TRPM7: variants seen among roughly 807,000 people sequenced by gnomAD.
TRPM7 encodes the protein LTRPC ion channel family member 7.
Under a neutral mutation model 229.7 loss-of-function variants are expected in TRPM7, and 134 were observed. That is an observed-to-expected ratio of 0.58 (90% CI 0.51 to 0.67). The LOEUF (loss-of-function observed/expected upper bound fraction) is 0.67. Among genes scored for constraint, TRPM7 ranks in the 30% least tolerant of loss-of-function variants. The pLI, the probability that TRPM7 is intolerant of heterozygous loss-of-function variation, is 0.00. For synonymous variants in TRPM7, 699 were observed against 715.2 expected (o/e 0.98, Z 0.36); for missense variants, 1,901 against 2,210.0 (o/e 0.86, Z 2.80).
At chr15:50,685,334 A>T (rs915459894) in intron 1 of TRPM7, among the ~76,000 whole-genome samples, 1 of 152,110 alleles carries the variant, frequency 6.6e-6, no homozygotes, top group African/African-American at 2.4e-5. Context: ...CATGGTGGCT[A>T]CAGTCCCAGC....
At position 50,557,250 on chromosome 15, in the gene TRPM7, G is replaced by C. The variant is rs1243473110; in HGVS notation, c.*4428C>G. ...ACAACATTACGACCCATCTCTTCAA[G>C]AGGAAGTCTGGTATTATGGAAAAAC... On this transcript the variant is annotated 3_prime_UTR_variant, in exon 39 of 39. Transcript: ENST00000646667. The C allele has an allele frequency of 1.3e-5, 2 of 152,158 alleles. No individual in the cohort carries two copies. The highest frequency in any genetic ancestry group is 4.1e-4 in the South Asian group (2 of 4,832). The allele number at this position is 152,158 out of a possible 1,614,324, so 9.4% of individuals were successfully genotyped here. A position where few individuals can be genotyped will look rare whatever the true frequency, so the allele number is the denominator to read the frequency against.
chr15:50,658,036 G>A (rs1000464002), intron 2 of TRPM7, among the ~76,000 whole-genome samples: 1 of 138,412 alleles, frequency 7.2e-6, no homozygotes, highest in African/African-American at 2.7e-5. Context: ...ACAGAGTCTC[G>A]CTCTGTTGCC....
chr15:50,572,555 AT>A, intron 36 of TRPM7, among the ~76,000 whole-genome samples: 1 of 152,354 alleles, frequency 6.6e-6, no homozygotes, highest in South Asian at 2.1e-4. Context: ...AATCCAAAAA[AT>A]TCATGTGATA....
chr15:50,571,891 T>A (rs1423916316), intron 36 of TRPM7, among the ~76,000 whole-genome samples: 1 of 152,120 alleles, frequency 6.6e-6, no homozygotes, highest in Non-Finnish European at 1.5e-5. Context: ...AGCAGCAGGG[T>A]TTGAGAAGGT....
In TRPM7 at chr15:50,599,563, A is replaced by C. The variant is rs560085429; in HGVS notation, c.2989-267T>G. On this transcript the variant is annotated intron_variant, in intron 21 of 38. Transcript: ENST00000646667. ...CATAATGAATTGTATCACTGGTTCA[A>C]ACTGAAGTGTACCTATCTCTGTGGT... 1.4e-5 allele frequency: 4 copies of C among 284,668 alleles called. No individual in the cohort carries two copies. The East Asian group carries it at 2.4e-4, about 17-fold the overall frequency. The allele number at this position is 284,668 out of a possible 1,614,324, so 17.6% of individuals were successfully genotyped here. A position where few individuals can be genotyped will look rare whatever the true frequency, so the allele number is the denominator to read the frequency against.
intron 1 of TRPM7, among the ~76,000 whole-genome samples, chr15:50,670,322 G>C (rs1356725056): frequency 1.3e-5 from 2 of 152,036 alleles, no homozygotes; most frequent in African/African-American, 4.8e-5. Flanking sequence ...GACCTGCTGG[G>C]CTGCATTCCC....
At chr15:50,676,266 A>T (rs1334161617) in intron 1 of TRPM7, among the ~76,000 whole-genome samples, 1 of 152,238 alleles carries the variant, frequency 6.6e-6, no homozygotes, top group East Asian at 1.9e-4. Context: ...AAAGATTCCT[A>T]AAAAATTCTG....
chr15:50,680,887 T>C (rs1300209198), intron 1 of TRPM7, among the ~76,000 whole-genome samples: 1 of 152,208 alleles, frequency 6.6e-6, no homozygotes, highest in African/African-American at 2.4e-5. Flanking sequence ...AAGTGATTTT[T>C]GATTCTCTGC....
intron 12 of TRPM7, among the ~76,000 whole-genome samples, chr15:50,623,118 A>C (rs1255383260): frequency 6.6e-6 from 1 of 152,084 alleles, no homozygotes; most frequent in Non-Finnish European, 1.5e-5. Context: ...TTTTTTAAAA[A>C]AGTTTGCATT....
chr15:50,593,646 A>T lies in TRPM7; in HGVS notation c.3579T>A (p.Ser1193Arg). The change falls in exon 25 of 39, where the codon AGT becomes AGA. Residue 1193 changes from serine to arginine, a missense_variant. Physicochemically the swap from Ser to Arg is moderately radical, Grantham distance 110. Around this residue, in one of 8 missense-constraint regions of TRPM7, gnomAD observed 533 missense variants for 497.1 expected, o/e 1.07. Transcript: ENST00000646667. ...NEKDDKFHSG[S>R]EERIRVTFER... ...CAAAAGTGACACGAATTCTCTCTTCACTCCCAGAATGAAATTTGTCATCTT... is the reference window on the plus strand; with the variant it reads ...CAAAAGTGACACGAATTCTCTCTTCTCTCCCAGAATGAAATTTGTCATCTT... The T allele has an allele frequency of 6.2e-7, 1 of 1,611,946 alleles. No homozygotes were observed. Among genetic ancestry groups the T allele is most frequent in the Non-Finnish European group, 8.5e-7 (1 of 1,179,404 alleles).
At chr15:50,570,237 T>A (rs993321678) in intron 36 of TRPM7, 82 bp from the exon 37 acceptor site, 34 of 994,090 alleles carry the variant, frequency 3.4e-5, no homozygotes, top group Non-Finnish European at 5.0e-5. Context: ...ATAAAAATCA[T>A]CTTAAGAGAT....
rs1566922675 is a variant in TRPM7, at chr15:50,560,936, A to C, written c.*742T>G. 6.6e-6 allele frequency: 1 copy of C among 152,608 alleles called. No homozygotes were observed. The highest frequency in any genetic ancestry group is 1.5e-5 in the Non-Finnish European group (1 of 68,036). 9.5% of individuals were successfully genotyped at this position (152,608 alleles called of 1,614,324 possible). A position where few individuals can be genotyped will look rare whatever the true frequency, so the allele number is the denominator to read the frequency against. ...GGTTTCTGCTTTTATAATTTAGGTT[A>C]TGTATCAGTTTACCATGGCTTTCTT... On this transcript the variant is annotated 3_prime_UTR_variant, in exon 39 of 39. Coordinates refer to ENST00000646667, the MANE Select transcript of TRPM7 (RefSeq NM_017672.6).
At chr15:50,637,275 G>T in intron 7 of TRPM7, 147 bp downstream of exon 7, 4 of 703,132 alleles carry the variant, frequency 5.7e-6, no homozygotes, top group South Asian at 2.6e-5. Context: ...TTATCATTTT[G>T]TCTAAGATCA....
At chr15:50,579,471 G>C (rs2054296599) in intron 30 of TRPM7, among the ~76,000 whole-genome samples, 1 of 152,052 alleles carries the variant, frequency 6.6e-6, no homozygotes, top group Non-Finnish European at 1.5e-5. Flanking sequence ...TCATTCCTTT[G>C]CCTGCTGCTA....
intron 20 of TRPM7, 73 bp downstream of exon 20, chr15:50,607,127 C>G (rs948749814): frequency 1.3e-5 from 18 of 1,439,522 alleles, no homozygotes; most frequent in Non-Finnish European, 1.4e-5. Context: ...TACGTATACA[C>G]CCAAAACAAA....
At position 50,648,719 on chromosome 15, in the gene TRPM7, A is replaced by T; in HGVS notation, c.289T>A (p.Phe97Ile). The change falls in exon 4 of 39, where the codon TTT (phenylalanine) becomes ATT (isoleucine). Residue 97 changes from phenylalanine to isoleucine, a missense_variant. Transcript: ENST00000646667. ...CTGTAGGAATGAGAACCCCCTTGAA[A>T]ATTTATGACTCCATAAGCATCCGTT... is the stretch of plus-strand genomic sequence containing the variant. ...SPTDAYGVIN[F>I]QGGSHSYRAK... 1 of 1,609,796 alleles carries T rather than the reference A, an allele frequency of 6.2e-7. No homozygotes were observed. The highest frequency in any genetic ancestry group is 8.5e-7 in the Non-Finnish European group (1 of 1,177,786).
chr15:50,646,036 G>C (rs1276559991), intron 4 of TRPM7, among the ~76,000 whole-genome samples: 1 of 150,700 alleles, frequency 6.6e-6, no homozygotes, highest in Non-Finnish European at 1.5e-5. Context: ...AGAATCGCTT[G>C]AACCCAGGAG....
intron 1 of TRPM7, among the ~76,000 whole-genome samples, chr15:50,677,424 C>T (rs531685778): frequency 5.0e-4 from 76 of 152,168 alleles, no homozygotes; most frequent in Non-Finnish European, 8.7e-4. Flanking sequence ...ACAACACACA[C>T]ACACACAGAG....
chr15:50,568,926 T>C (rs1195035313), intron 38 of TRPM7, among the ~76,000 whole-genome samples: 5 of 152,136 alleles, frequency 3.3e-5, no homozygotes, highest in Non-Finnish European at 7.4e-5. Context: ...GAAGCTGCAG[T>C]GAGCTGAGAT....
Sources: allele counts gnomAD v4.1 joint callset (sites outside exome capture counted in the v4.1 genomes callset), GRCh38; gene constraint gnomAD v4.1.1; regional missense constraint gnomAD v4.1.1; transcripts MANE v1.5; gene names NCBI Gene and HGNC (gene_info 2026-07-23, HGNC 2026-07-21).